Variants in DYNLRB1 observed in about 807,000 individuals in gnomAD.
DYNLRB1 encodes dynein light chain roadblock-type 1.
DYNLRB1 carries 6 observed loss-of-function variants against 13.5 expected under a neutral mutation model. The observed-to-expected ratio is 0.44, with a 90% CI of 0.24 to 0.88. The LOEUF is 0.88. DYNLRB1 is among the 40% of genes least tolerant of loss of function. The pLI is 0.21. For synonymous variants in DYNLRB1, 43 were observed against 45.0 expected (o/e 0.96, Z 0.18); for missense variants, 93 against 127.2 (o/e 0.73, Z 1.29).
chr20:34,528,026 T>TTTACAAAA (rs1266991996), intron 2 of DYNLRB1, among the ~76,000 whole-genome samples: 2 of 134,822 alleles, frequency 1.5e-5, no homozygotes, highest in Non-Finnish European at 1.7e-5. Flanking sequence ...CCTACTGGAG[T>TTTACAAAA]AGCCGGCCGG....
In DYNLRB1 at chr20:34,521,444, G is replaced by GT. The variant is rs945837371; in HGVS notation, c.4-4814dup. The stretch of plus-strand genomic sequence containing the variant: ...TTGCTATTGTTCTTAGTCATTTTGT[G>GT]TTTTTTTTTTATTTATTTTGTCTGT... On this transcript the variant is annotated intron_variant, in intron 1 of 3. Transcript: ENST00000357156. Among the ~76,000 whole-genome samples, 226 of 148,258 alleles carry GT rather than the reference G, an allele frequency of 1.5e-3. 1 individual carries two copies. The highest frequency in any genetic ancestry group is 3.4e-3 in the Middle Eastern group (1 of 292).
At chr20:34,529,677 C>T (rs963242227) in intron 2 of DYNLRB1, among the ~76,000 whole-genome samples, 2 of 149,678 alleles carry the variant, frequency 1.3e-5, no homozygotes, top group Non-Finnish European at 3.0e-5. Flanking sequence ...TGCAATGAGC[C>T]GAGATCACAC....
In DYNLRB1 at chr20:34,540,735, C is replaced by T. The variant is rs1981516289; in HGVS notation, c.*111C>T. The stretch of plus-strand genomic sequence containing the variant: ...GGCAGTCGCTTGGAACCCACTCACA[C>T]CAATCCAGTGACCGTGTGTGGGCTG... On this transcript the variant is annotated 3_prime_UTR_variant, in exon 4 of 4. Transcript: ENST00000357156. The T allele has an allele frequency of 2.7e-6, 3 of 1,122,142 alleles. No homozygotes were observed. The highest frequency in any genetic ancestry group is 3.9e-6 in the Non-Finnish European group (3 of 762,390). The allele number at this position is 1,122,142 out of a possible 1,614,324, so 69.5% of individuals were successfully genotyped here.
At position 34,540,729 on chromosome 20, in the gene DYNLRB1, C is replaced by A; in HGVS notation, c.*105C>A. ...GCACATGGCAGTCGCTTGGAACCCACTCACACCAATCCAGTGACCGTGTGT... is the reference window on the plus strand; with the variant it reads ...GCACATGGCAGTCGCTTGGAACCCAATCACACCAATCCAGTGACCGTGTGT... On this transcript the variant is annotated 3_prime_UTR_variant, in exon 4 of 4. Coordinates refer to ENST00000357156, the MANE Select transcript of DYNLRB1 (RefSeq NM_014183.4). 1 of 1,207,710 alleles carries A rather than the reference C, an allele frequency of 8.3e-7. No homozygotes were observed. The highest frequency in any genetic ancestry group is 1.2e-6 in the Non-Finnish European group (1 of 831,134). The allele number at this position is 1,207,710 out of a possible 1,614,324, so 74.8% of individuals were successfully genotyped here.
At chr20:34,529,650 A>G (rs1260130099) in intron 2 of DYNLRB1, among the ~76,000 whole-genome samples, 1 of 151,490 alleles carries the variant, frequency 6.6e-6, no homozygotes, top group Non-Finnish European at 1.5e-5. Context: ...AATCGCTTGA[A>G]CCAAGGAGGC....
chr20:34,535,876 G>T (rs1326014900), intron 3 of DYNLRB1: 1 of 985,316 alleles, frequency 1.0e-6, no homozygotes, highest in Non-Finnish European at 1.2e-6. Flanking sequence ...GGAAGGCAGT[G>T]GGGGGTCTGG....
rs12479605 is a variant in DYNLRB1, at chr20:34,523,546, G to A, written c.4-2722G>A. ...TGCCCACCCCAGGGCTTTTGTGCTTGCTCTTGGTGCTGTCTGGAACACTCC... is the reference window on the plus strand; with the variant it reads ...TGCCCACCCCAGGGCTTTTGTGCTTACTCTTGGTGCTGTCTGGAACACTCC... On this transcript the variant is annotated intron_variant, in intron 1 of 3. Transcript: ENST00000357156. 3.6e-3 allele frequency among the ~76,000 whole-genome samples: 542 copies of A among 152,118 alleles called. 1 individual carries two copies. Among genetic ancestry groups the A allele is most frequent in the Middle Eastern group, 0.024 (7 of 294 alleles).
chr20:34,537,397 C>A (rs978802522), intron 3 of DYNLRB1, among the ~76,000 whole-genome samples: 5 of 152,090 alleles, frequency 3.3e-5, no homozygotes, highest in Non-Finnish European at 5.9e-5. Flanking sequence ...AGGGCAGGGG[C>A]TTGTAAGCAC....
At chr20:34,535,858 T>C in intron 3 of DYNLRB1, 1 of 985,230 alleles carries the variant, frequency 1.0e-6, no homozygotes, top group Non-Finnish European at 1.2e-6. Flanking sequence ...GATTAGGACC[T>C]GGATAAAGGA....
chr20:34,524,859 G>T (rs1272583656), intron 1 of DYNLRB1, among the ~76,000 whole-genome samples: 1 of 151,870 alleles, frequency 6.6e-6, no homozygotes, highest in African/African-American at 2.4e-5. Flanking sequence ...CAGTAGCTGG[G>T]ACTACAGGCG....
chr20:34,532,318 A>T (rs1333119941), intron 2 of DYNLRB1, among the ~76,000 whole-genome samples: 1 of 152,200 alleles, frequency 6.6e-6, no homozygotes, highest in African/African-American at 2.4e-5. Context: ...GTGGAAGCTC[A>T]GGAGGTTTCA....
chr20:34,520,223 C>T (rs1979602616), intron 1 of DYNLRB1, among the ~76,000 whole-genome samples: 1 of 152,182 alleles, frequency 6.6e-6, no homozygotes, highest in Admixed American at 6.5e-5. Flanking sequence ...GTATGTTCTC[C>T]TTCCTCTTTT....
chr20:34,534,954 G>C, intron 3 of DYNLRB1, 159 bp downstream of exon 3: 2 of 1,492,506 alleles, frequency 1.3e-6, no homozygotes, highest in Non-Finnish European at 1.8e-6. Flanking sequence ...CCAGCCTCCA[G>C]CTGGTGTCCC....
At chr20:34,533,429 C>T in intron 2 of DYNLRB1, 4 of 971,276 alleles carry the variant, frequency 4.1e-6, no homozygotes, top group Non-Finnish European at 4.9e-6. Flanking sequence ...GCCATGTGGA[C>T]AGTGTGTTTA....
At chr20:34,537,596 A>T (rs1981248401) in intron 3 of DYNLRB1, among the ~76,000 whole-genome samples, 1 of 152,118 alleles carries the variant, frequency 6.6e-6, no homozygotes, top group Non-Finnish European at 1.5e-5. Context: ...ACCCACTTTT[A>T]TGTGGCCAAG....
chr20:34,525,569 G>A (rs1363095566), intron 1 of DYNLRB1, among the ~76,000 whole-genome samples: 1 of 152,146 alleles, frequency 6.6e-6, no homozygotes, highest in Non-Finnish European at 1.5e-5. Flanking sequence ...GGCCTTGTGG[G>A]ATAAAAAGAT....
intron 2 of DYNLRB1, chr20:34,530,751 A>T (rs1342239935): frequency 1.3e-5 from 2 of 152,158 alleles, no homozygotes. Context: ...TTATTTGAGG[A>T]TAATTGTATT....
rs57267125 is a variant in DYNLRB1, at chr20:34,526,360, G to T, written c.79+17G>T. The T allele has an allele frequency of 7.3e-3, 11,835 of 1,612,828 alleles. 260 individuals are homozygous for T. The highest frequency in any genetic ancestry group is 0.061 in the African/African-American group (4,597 of 74,846). On this transcript the variant is annotated intron_variant, in intron 2 of 3. Transcript: ENST00000357156. ...ACACAGAAGGTACGCCCTCCCTCCCGCCATGACCCGCACCCAGGCAGGCCC... is the reference window on the plus strand; with the variant it reads ...ACACAGAAGGTACGCCCTCCCTCCCTCCATGACCCGCACCCAGGCAGGCCC...
chr20:34,527,416 C>G (rs974557922), intron 2 of DYNLRB1, among the ~76,000 whole-genome samples: 17 of 152,282 alleles, frequency 1.1e-4, no homozygotes, highest in African/African-American at 4.1e-4. Flanking sequence ...GAATGAACAG[C>G]GTAAAGCATT....
Sources: allele counts gnomAD v4.1 joint callset (sites outside exome capture counted in the v4.1 genomes callset), GRCh38; gene constraint gnomAD v4.1.1; transcripts MANE v1.5; gene names NCBI Gene and HGNC (gene_info 2026-07-23, HGNC 2026-07-21).